Variants in CRYBG1 observed in about 807,000 individuals in gnomAD.
CRYBG1 encodes the protein crystallin beta-gamma domain containing 1.
In CRYBG1, 139 loss-of-function variants were observed where a neutral mutation model predicts 189.2. That is an observed-to-expected ratio of 0.73 (90% confidence interval 0.64 to 0.85). The LOEUF (loss-of-function observed/expected upper bound fraction) is 0.85, where lower values mean the gene tolerates loss of function less well. CRYBG1 is among the 40% of genes least tolerant of loss of function. The pLI, the probability that CRYBG1 is intolerant of heterozygous loss-of-function variation, is 0.00. For synonymous variants in CRYBG1, 1,023 were observed against 1,017.1 expected (o/e 1.01, Z -0.11); for missense variants, 2,611 against 2,675.8 (o/e 0.98, Z 0.53).
intron 1 of CRYBG1, among the ~76,000 whole-genome samples, chr6:106,391,174 C>T (rs753592036): frequency 3.9e-5 from 6 of 152,062 alleles, no homozygotes; most frequent in Non-Finnish European, 7.4e-5. Flanking sequence ...CCTCTGCCTC[C>T]CAGGTTCAGT....
chr6:106,491,142 T>C (rs17067103), intron 2 of CRYBG1, among the ~76,000 whole-genome samples: 5,425 of 152,340 alleles, frequency 0.036, 298 homozygotes, highest in African/African-American at 0.12. Context: ...GATGAAATAC[T>C]CACAAGTCGT....
chr6:106,477,106 C>T (rs942267576), intron 2 of CRYBG1, among the ~76,000 whole-genome samples: 1 of 152,088 alleles, frequency 6.6e-6, no homozygotes, highest in Non-Finnish European at 1.5e-5. Flanking sequence ...TTATGTGAAC[C>T]CAACATTTCT....
chr6:106,439,015 CAT>C (rs1369636631), intron 1 of CRYBG1, among the ~76,000 whole-genome samples: 1 of 121,544 alleles, frequency 8.2e-6, no homozygotes, highest in Non-Finnish European at 1.7e-5. Context: ...GCCTGGGAAA[CAT>C]AGTGAGACCT....
chr6:106,367,293 T>C (rs1298980327), intron 1 of CRYBG1, among the ~76,000 whole-genome samples: 2 of 152,150 alleles, frequency 1.3e-5, no homozygotes, highest in Non-Finnish European at 2.9e-5. Flanking sequence ...TAGCTCTTTT[T>C]TAAAAAAATA....
intron 1 of CRYBG1, among the ~76,000 whole-genome samples, chr6:106,396,556 A>G (rs957372402): frequency 6.6e-6 from 1 of 152,250 alleles, no homozygotes; most frequent in African/African-American, 2.4e-5. Context: ...AATCTCTGGC[A>G]TACCACTCTT....
At chr6:106,388,488 G>A (rs1037472575) in intron 1 of CRYBG1, among the ~76,000 whole-genome samples, 14 of 152,032 alleles carry the variant, frequency 9.2e-5, no homozygotes, top group African/African-American at 3.4e-4. Context: ...TTTATTATTA[G>A]CAACTTAAGA....
intron 2 of CRYBG1, among the ~76,000 whole-genome samples, chr6:106,467,275 C>A (rs1403841851): frequency 6.6e-6 from 1 of 152,008 alleles, no homozygotes; most frequent in Non-Finnish European, 1.5e-5. Context: ...CCAGCATGAG[C>A]AACATGCTGA....
intron 13 of CRYBG1, among the ~76,000 whole-genome samples, chr6:106,551,406 A>G (rs1181014836): frequency 6.6e-6 from 1 of 152,208 alleles, no homozygotes; most frequent in Admixed American, 6.5e-5. Context: ...TCTCTATCCA[A>G]TCCACCATTG....
At chr6:106,447,957 T>C (rs529808147) in intron 1 of CRYBG1, among the ~76,000 whole-genome samples, 37 of 152,328 alleles carry the variant, frequency 2.4e-4, no homozygotes, top group Admixed American at 1.1e-3. Context: ...AGTGTATTAT[T>C]TCTGTGTAAT....
Position 106,571,147 on chromosome 6 carries a change from GTT to G in CRYBG1, c.*2584_*2585del, listed in dbSNP as rs1220108773. On this transcript the variant is annotated 3_prime_UTR_variant, in exon 22 of 22. Transcript: ENST00000633556. ...CCTAATCCTTATGCAAGATGTAAGG[GTT>G]TTAAAAAGTTAGAAACTCTGCTCTC... 1 of 152,190 alleles carries G rather than the reference GTT, an allele frequency of 6.6e-6. No individual in the cohort carries two copies. Among genetic ancestry groups the G allele is most frequent in the Non-Finnish European group, 1.5e-5 (1 of 68,036 alleles). 9.4% of individuals were successfully genotyped at this position (152,190 alleles called of 1,614,324 possible).
chr6:106,497,936 C>CA (rs201246285), intron 2 of CRYBG1, among the ~76,000 whole-genome samples: 170 of 150,628 alleles, frequency 1.1e-3, no homozygotes, highest in African/African-American at 4.0e-3. Flanking sequence ...ACTACAAATA[C>CA]AAAAAAAAAT....
intron 1 of CRYBG1, among the ~76,000 whole-genome samples, chr6:106,409,749 A>T (rs1770891012): frequency 6.6e-6 from 1 of 152,174 alleles, no homozygotes; most frequent in Non-Finnish European, 1.5e-5. Context: ...TCTTTGACAA[A>T]CCTGACAAAA....
intron 2 of CRYBG1, among the ~76,000 whole-genome samples, chr6:106,490,581 T>TA (rs1772698742): frequency 6.6e-6 from 1 of 152,190 alleles, no homozygotes; most frequent in East Asian, 1.9e-4. Flanking sequence ...TTATATGAAT[T>TA]TTTTTCCAAT....
At position 106,525,281 on chromosome 6, in the gene CRYBG1, G is replaced by T. The variant is rs773388811; in HGVS notation, c.4307G>T (p.Ser1436Ile). The T allele has an allele frequency of 4.3e-5, 70 of 1,614,090 alleles. No individual in the cohort carries two copies. Among genetic ancestry groups the T allele is most frequent in the Non-Finnish European group, 5.8e-5 (69 of 1,179,980 alleles). ...GTTTTCTTGCAGGTAGTGATATATA[G>T]TGAACCCGACGTCTCTGAGAAGTGC... ...NPRPGKVVIY[S>I]EPDVSEKCIE... The change falls in exon 6 of 22, where the codon AGT (serine) becomes ATT (isoleucine). Residue 1436 changes from serine to isoleucine, a missense_variant. By Grantham distance (142) the Ser-to-Ile change is moderately radical. Coordinates refer to ENST00000633556, the MANE Select transcript of CRYBG1 (RefSeq NM_001371242.2).
chr6:106,366,401 G>A (rs1472052009), intron 1 of CRYBG1, among the ~76,000 whole-genome samples: 1 of 152,210 alleles, frequency 6.6e-6, no homozygotes, highest in Non-Finnish European at 1.5e-5. Context: ...GCCACTAGCT[G>A]TGAGCTTCTT....
intron 1 of CRYBG1, among the ~76,000 whole-genome samples, chr6:106,443,245 T>C (rs1771599335): frequency 1.3e-5 from 2 of 152,114 alleles, no homozygotes; most frequent in African/African-American, 2.4e-5. Flanking sequence ...CAATTGACAA[T>C]GCAAATAAAT....
chr6:106,514,159 C>G (rs1433958153), intron 3 of CRYBG1, among the ~76,000 whole-genome samples: 7 of 152,124 alleles, frequency 4.6e-5, no homozygotes, highest in African/African-American at 1.7e-4. Flanking sequence ...ATGATAAATG[C>G]AATTTGTATA....
At chr6:106,433,749 ATATATATGTGTATATATATATATG>A (rs1265565137) in intron 1 of CRYBG1, among the ~76,000 whole-genome samples, 1 of 29,598 alleles carries the variant, frequency 3.4e-5, no homozygotes, top group Non-Finnish European at 6.7e-5. Context: ...ATATATGTAT[ATATATATGTGTATATATATATATG>A]TATATATATA....
chr6:106,498,656 C>G (rs1176204753), intron 2 of CRYBG1, among the ~76,000 whole-genome samples: 1 of 152,210 alleles, frequency 6.6e-6, no homozygotes, highest in Non-Finnish European at 1.5e-5. Context: ...GGGCAGATAA[C>G]TTGAGGTTAA....
Sources: allele counts gnomAD v4.1 joint callset (sites outside exome capture counted in the v4.1 genomes callset), GRCh38; gene constraint gnomAD v4.1.1; transcripts MANE v1.5; gene names NCBI Gene and HGNC (gene_info 2026-07-23, HGNC 2026-07-21).